The following TMEM63A variants were observed in gnomAD, a reference collection of about 807,000 sequenced individuals.
TMEM63A encodes mechanosensitive cation channel TMEM63A.
Under a neutral mutation model 100.6 loss-of-function variants are expected in TMEM63A, and 76 were observed. The ratio of observed to expected loss-of-function variants is 0.76; its 90% confidence interval spans 0.63 to 0.91. The LOEUF (loss-of-function observed/expected upper bound fraction) is 0.91, where lower values mean the gene tolerates loss of function less well. TMEM63A is among the 40% of genes least tolerant of loss of function. TMEM63A has a pLI of 0.00. For missense variants in TMEM63A, 876 were observed against 1,008.8 expected (o/e 0.87, Z 1.78); for synonymous variants, 401 against 401.1 (o/e 1.00, Z 0.00).
At position 225,862,318 on chromosome 1, in the gene TMEM63A, C is replaced by A; in HGVS notation, c.985G>T (p.Asp329Tyr). 4 of 1,614,218 alleles carry A rather than the reference C, an allele frequency of 2.5e-6. No homozygotes were observed. Among genetic ancestry groups the A allele is most frequent in the Non-Finnish European group, 2.5e-6 (3 of 1,180,038 alleles). The change falls in exon 13 of 25, where the codon GAC becomes TAC. Residue 329 changes from aspartate to tyrosine, a missense_variant. Around this residue, in one of 5 missense-constraint regions of TMEM63A, gnomAD observed 487 missense variants for 581.9 expected, o/e 0.84. Transcript: ENST00000366835. The surrounding 1 kb of genome is among the most constrained non-coding windows in gnomAD (Gnocchi z 5.1). The stretch of plus-strand genomic sequence containing the variant: ...TCTGTGATCCTCTCCAGCAGCCTGT[C>A]CTTCATCCGTGTGTAGTAAGAGATG... Reference protein sequence around the residue: ...DAISYYTRMKDRLLERITEEE... With the variant: ...DAISYYTRMKYRLLERITEEE...
chr1:225,864,576 G>T, intron 10 of TMEM63A: 1 of 152,134 alleles, frequency 6.6e-6, no homozygotes, highest in Non-Finnish European at 1.5e-5. Flanking sequence ...TCCAGGTGTT[G>T]CCTAGCAGGC....
intron 10 of TMEM63A, chr1:225,864,403 C>G (rs1670097491): frequency 6.6e-6 from 1 of 152,178 alleles, no homozygotes; most frequent in Non-Finnish European, 1.5e-5. Flanking sequence ...TTAAGCATCC[C>G]TGCTTGAAAG....
At chr1:225,844,997 C>T (rs534133044), downstream of TMEM63A, 301 of 867,902 alleles carry the variant, frequency 3.5e-4, 2 homozygotes, top group South Asian at 4.0e-3. Context: ...GAGGGGAGAG[C>T]GGTTGAGACC....
downstream of TMEM63A, among the ~76,000 whole-genome samples, chr1:225,841,544 A>G (rs1254776739): frequency 1.3e-5 from 2 of 150,756 alleles, no homozygotes; most frequent in Non-Finnish European, 2.9e-5. Context: ...TCGGCCTCCC[A>G]AAGTGCTGGG....
At position 225,847,174 on chromosome 1, in the gene TMEM63A, T is replaced by C; in HGVS notation, c.2290A>G (p.Arg764Gly). Residue 764 changes from arginine (R) to glycine (G), a missense_variant, in exon 24 of 25, where the codon AGG (arginine) becomes GGG (glycine). Physicochemically the swap from Arg to Gly is moderately radical, Grantham distance 125. Around this residue, in one of 5 missense-constraint regions of TMEM63A, gnomAD observed 339 missense variants for 342.3 expected, o/e 0.99. Transcript: ENST00000366835. ...TGCTGCTGCGGAGACAGTGCTGTCC[T>C]CTCCGAGGCCAAGCCGTTCAGAATC... ...PRILNGLASE[R>G]TALSPQQQQQ... is the part of the protein sequence containing the mutation. The C allele has an allele frequency of 4.3e-6, 7 of 1,613,244 alleles. No individual in the cohort carries two copies. The highest frequency in any genetic ancestry group is 5.9e-6 in the Non-Finnish European group (7 of 1,179,924).
At position 225,871,885 on chromosome 1, in the gene TMEM63A, T is replaced by C. The variant is rs1670522905; in HGVS notation, c.333+102A>G. On this transcript the variant is annotated intron_variant, in intron 5 of 24. Transcript: ENST00000366835. ...TTCGTCGATGCAGAAAAGCACTTTC[T>C]CCAGCACTTGCCGCTCAAGATCCGC... The C allele has an allele frequency of 8.0e-6, 7 of 874,886 alleles. No individual in the cohort carries two copies. In the East Asian group the frequency reaches 1.8e-4, roughly 22 times the overall value. The allele number at this position is 874,886 out of a possible 1,614,324, so 54.2% of individuals were successfully genotyped here.
rs919449212 is a variant in TMEM63A at position 225,852,591 on chromosome 1, G to A, written c.1903+73C>T. On this transcript the variant is annotated intron_variant, in intron 20 of 24. Coordinates refer to ENST00000366835, the MANE Select transcript of TMEM63A (RefSeq NM_014698.3). ...ACTCCATTGTGCCCTGGTGATAGCT[G>A]TCCCCGAGAGGTTTGGTGCAATCAG... 21 of 1,452,116 alleles carry A rather than the reference G, an allele frequency of 1.4e-5. No individual in the cohort carries two copies. In the Admixed American group the frequency reaches 3.1e-4, roughly 21 times the overall value. 90.0% of individuals were successfully genotyped at this position (1,452,116 alleles called of 1,614,324 possible).
At chr1:225,848,435 T>C (rs1669134225) in intron 23 of TMEM63A, 57 bp downstream of exon 23, 1 of 1,600,114 alleles carries the variant, frequency 6.2e-7, no homozygotes. Context: ...GTTGGGACTG[T>C]TACAACCAAA....
intron 18 of TMEM63A, 51 bp downstream of exon 18, chr1:225,855,827 G>A (rs1238961802): frequency 1.3e-6 from 2 of 1,587,378 alleles, no homozygotes. Context: ...CAGCCCCTGT[G>A]GGACTTTCAC....
chr1:225,855,552 T>C lies in TMEM63A; in HGVS notation c.1634+326A>G, dbSNP rs867347594. 3.3e-5 allele frequency among the ~76,000 whole-genome samples: 5 copies of C among 152,202 alleles called. No homozygotes were observed. The South Asian group carries it at 8.3e-4, about 25-fold the overall frequency. On this transcript the variant is annotated intron_variant, in intron 18 of 24. Transcript: ENST00000366835. Reference sequence around the variant, plus strand: ...TTATTATTCTCCTTTCCCCACTCCCTGGCACCACTGAGACCCAGCAATTCC... The same window carrying C: ...TTATTATTCTCCTTTCCCCACTCCCCGGCACCACTGAGACCCAGCAATTCC...
At position 225,858,605 on chromosome 1, in the gene TMEM63A, G is replaced by A. The variant is rs781049506; in HGVS notation, c.1377+591C>T. On this transcript the variant is annotated intron_variant, in intron 15 of 24. Transcript: ENST00000366835. ...CTCCCAAAATGCTGGGATTACAGGC[G>A]TGAGCTACCGTGCCCGGCCCCAAAA... Among the ~76,000 whole-genome samples the A allele has an allele frequency of 4.6e-5, 7 of 152,246 alleles. No homozygotes were observed. The South Asian group carries it at 8.3e-4, about 18-fold the overall frequency.
At position 225,848,891 on chromosome 1, in the gene TMEM63A, CT is replaced by C; in HGVS notation, c.2187+5del. ...TTGACCGGGCAGTGGGGTCGGGGGC[CT>C]TTACTTTGTAGTTCAGAGGGCTGAG... On this transcript the variant is annotated splice_donor_5th_base_variant and intron_variant, in intron 22 of 24. Transcript: ENST00000366835. The C allele has an allele frequency of 6.3e-7, 1 of 1,577,348 alleles. No individual in the cohort carries two copies. The highest frequency in any genetic ancestry group is 8.6e-7 in the Non-Finnish European group (1 of 1,161,580).
At chr1:225,863,061 T>TGTTTA in intron 10 of TMEM63A, 2 of 576,676 alleles carry the variant, frequency 3.5e-6, no homozygotes, top group Non-Finnish European at 6.2e-6. Flanking sequence ...TGTTTTGTTT[T>TGTTTA]GTTTTGTTTA....
chr1:225,844,657 G>A (rs45519542), downstream of TMEM63A: 177 of 1,612,638 alleles, frequency 1.1e-4, no homozygotes, highest in African/African-American at 2.1e-3. Context: ...AGGGGCCTCT[G>A]AGGCTGGAGG....
Position 225,862,377 on chromosome 1 carries a change from A to G in TMEM63A, c.952-26T>C. 1 of 1,614,102 alleles carries G rather than the reference A, an allele frequency of 6.2e-7. No homozygotes were observed. Among genetic ancestry groups the G allele is most frequent in the Non-Finnish European group, 8.5e-7 (1 of 1,179,980 alleles). On this transcript the variant is annotated intron_variant, in intron 12 of 24. Coordinates refer to ENST00000366835, the MANE Select transcript of TMEM63A (RefSeq NM_014698.3). This position sits in a 1 kb window ranked among gnomAD's most constrained non-coding sequence, Gnocchi z 5.1. The stretch of plus-strand genomic sequence containing the variant: ...CTGCCACAAGACACATCCCATTGGG[A>G]TGACGTGGCCCCATGCTGGTATCTG...
Position 225,853,561 on chromosome 1 carries a change from C to G in TMEM63A, c.1797+68G>C. 1 of 1,433,688 alleles carries G rather than the reference C, an allele frequency of 7.0e-7. No individual in the cohort carries two copies. Among genetic ancestry groups the G allele is most frequent in the Non-Finnish European group, 9.3e-7 (1 of 1,079,090 alleles). 88.8% of individuals were successfully genotyped at this position (1,433,688 alleles called of 1,614,324 possible). A position where few individuals can be genotyped will look rare whatever the true frequency, so the allele number is the denominator to read the frequency against. ...TAGTGGGGGTAGTGGGGGTGAGAGG[C>G]CCTCGGGTCAGTGAAGGGGGACATG... On this transcript the variant is annotated intron_variant, in intron 19 of 24. Transcript: ENST00000366835. The surrounding 1 kb of genome is among the most constrained non-coding windows in gnomAD (Gnocchi z 4.0).
intron 1 of TMEM63A, among the ~76,000 whole-genome samples, chr1:225,881,588 C>T (rs1671091130): frequency 1.3e-5 from 2 of 152,170 alleles, no homozygotes; most frequent in Non-Finnish European, 2.9e-5. Context: ...CCCTTGAAGG[C>T]ACAGCAGACT....
chr1:225,846,757 A>G lies in TMEM63A; in HGVS notation c.*182T>C. The G allele has an allele frequency of 2.9e-6, 1 of 340,206 alleles. No homozygotes were observed. Among genetic ancestry groups the G allele is most frequent in the Non-Finnish European group, 5.3e-6 (1 of 187,448 alleles). The allele number at this position is 340,206 out of a possible 1,614,324, so 21.1% of individuals were successfully genotyped here. Reference sequence around the variant, plus strand: ...CTGCAGAGCTGGAAGCTTGTGCCGGAGGGGAAACTGGGTGAGCAAGGGAGG... The same window carrying G: ...CTGCAGAGCTGGAAGCTTGTGCCGGGGGGGAAACTGGGTGAGCAAGGGAGG... On this transcript the variant is annotated 3_prime_UTR_variant, in exon 25 of 25. Transcript: ENST00000366835.
chr1:225,861,046 A>C (rs74150534), intron 13 of TMEM63A, 49 bp from the exon 14 acceptor site: 81,877 of 1,382,728 alleles, frequency 0.059, 2,919 homozygotes, highest in African/African-American at 0.18. Flanking sequence ...CAGGTTACCA[A>C]GCACACATGT....
Sources: gnomAD v4.1 joint callset for allele counts (sites outside exome capture counted in the v4.1 genomes callset) on GRCh38, gnomAD v4.1.1 for gene constraint, gnomAD v4.1.1 regional missense constraint, Gnocchi (gnomAD v3.1) non-coding constraint, MANE v1.5 for transcripts, NCBI Gene and HGNC (gene_info 2026-07-23, HGNC 2026-07-21) for gene names.